The following LYPD6 variants were observed in gnomAD, a reference collection of about 807,000 sequenced individuals.
The protein encoded by LYPD6 is LY6/PLAUR domain containing 6, also known as ly6/PLAUR domain-containing protein 6.
LYPD6 carries 15 observed loss-of-function variants against 22.7 expected under a neutral mutation model. The ratio of observed to expected loss-of-function variants is 0.66; its 90% CI spans 0.44 to 1.02. LYPD6 has a LOEUF of 1.02. Ranked by LOEUF, LYPD6 falls within the 50% of genes least tolerant of loss-of-function variation. The pLI is 0.00. For missense variants in LYPD6, 189 were observed against 208.4 expected, an observed-to-expected ratio of 0.91 and a Z score of 0.57; for synonymous variants, 72 against 77.5, an observed-to-expected ratio of 0.93 and a Z score of 0.37.
intron 3 of LYPD6, among the ~76,000 whole-genome samples, chr2:149,462,379 T>G (rs1216967551): frequency 1.3e-5 from 2 of 151,884 alleles, no homozygotes; most frequent in East Asian, 3.8e-4. Flanking sequence ...TGTATAGGAC[T>G]TGTAAGCTGA....
chr2:149,402,870 T>TCCCTCCC (rs1241779548), intron 1 of LYPD6, among the ~76,000 whole-genome samples: 1 of 133,862 alleles, frequency 7.5e-6, no homozygotes, highest in Non-Finnish European at 1.6e-5. Context: ...CCTAATGCTA[T>TCCCTCCC]CCCTCCCCCC....
chr2:149,396,143 A>G (rs2105103621), intron 1 of LYPD6, among the ~76,000 whole-genome samples: 1 of 152,154 alleles, frequency 6.6e-6, no homozygotes, highest in African/African-American at 2.4e-5. Flanking sequence ...GATTTTCCCT[A>G]TGTTTCTATT....
chr2:149,402,025 G>A (rs1682567773), intron 1 of LYPD6, among the ~76,000 whole-genome samples: 1 of 152,020 alleles, frequency 6.6e-6, no homozygotes, highest in Non-Finnish European at 1.5e-5. Flanking sequence ...TAATTCATGA[G>A]AGGCTTAAAA....
intron 2 of LYPD6, among the ~76,000 whole-genome samples, chr2:149,441,148 C>T (rs1382971479): frequency 6.6e-6 from 1 of 152,130 alleles, no homozygotes; most frequent in Admixed American, 6.6e-5. Context: ...GCTGTAGTCT[C>T]TACAAATAAG....
chr2:149,420,296 G>A (rs1010418394), intron 1 of LYPD6, among the ~76,000 whole-genome samples: 1 of 152,214 alleles, frequency 6.6e-6, no homozygotes, highest in African/African-American at 2.4e-5. Context: ...CAGAGCAGGA[G>A]TCAAAGTTCA....
At chr2:149,421,053 A>G (rs750492219) in intron 1 of LYPD6, among the ~76,000 whole-genome samples, 6 of 152,138 alleles carry the variant, frequency 3.9e-5, no homozygotes, top group Non-Finnish European at 5.9e-5. Flanking sequence ...GGGGATTCCA[A>G]TGTGTAGCAA....
intron 3 of LYPD6, among the ~76,000 whole-genome samples, chr2:149,468,132 AACACACACACACACACACACACACAC>A (rs58309346): frequency 0.021 from 2,411 of 114,724 alleles, 78 homozygotes; most frequent in Admixed American, 0.097. Context: ...GCTTCCCCCC[AACACACACACACACACACACACACAC>A]ACACACACAC....
Position 149,392,555 on chromosome 2 carries a change from C to T in LYPD6, c.-71-45083C>T, listed in dbSNP as rs542656117. On this transcript the variant is annotated intron_variant, in intron 1 of 4. Transcript: ENST00000334166. ...CCCCTGAGGACCAGGGAAGCTGTGA[C>T]GGATGGGAGAGAGTGTTGTCCCCAT... 8.5e-5 allele frequency among the ~76,000 whole-genome samples: 13 copies of T among 152,264 alleles called. No homozygotes were observed. In the South Asian group the frequency reaches 2.3e-3, roughly 27 times the overall value.
intron 3 of LYPD6, among the ~76,000 whole-genome samples, chr2:149,453,333 G>A (rs1283708034): frequency 6.6e-6 from 1 of 152,100 alleles, no homozygotes; most frequent in African/African-American, 2.4e-5. Flanking sequence ...CTGTAAAAAT[G>A]GTTATTAAAA....
chr2:149,457,183 T>C (rs910507651), intron 3 of LYPD6, among the ~76,000 whole-genome samples: 6 of 152,202 alleles, frequency 3.9e-5, no homozygotes, highest in African/African-American at 9.6e-5. Flanking sequence ...TGAGAAGTCA[T>C]GATAGTATAT....
chr2:149,380,463 A>C (rs534200813), intron 1 of LYPD6, among the ~76,000 whole-genome samples: 3 of 152,192 alleles, frequency 2.0e-5, no homozygotes, highest in Admixed American at 1.3e-4. Context: ...AAAGGTTTGC[A>C]TATGGTAAGT....
At chr2:149,427,072 T>A (rs188738083) in intron 1 of LYPD6, among the ~76,000 whole-genome samples, 1 of 152,298 alleles carries the variant, frequency 6.6e-6, no homozygotes, top group East Asian at 1.9e-4. Flanking sequence ...GAAAGGTAAA[T>A]GCATCACTCC....
At chr2:149,461,177 T>TTGTA (rs1348777063) in intron 3 of LYPD6, among the ~76,000 whole-genome samples, 2 of 151,980 alleles carry the variant, frequency 1.3e-5, no homozygotes, top group African/African-American at 4.8e-5. Flanking sequence ...AAACATTTCA[T>TTGTA]TGTACACCAT....
intron 1 of LYPD6, among the ~76,000 whole-genome samples, chr2:149,348,853 T>G (rs1022269143): frequency 5.3e-5 from 8 of 152,084 alleles, no homozygotes; most frequent in African/African-American, 1.9e-4. Flanking sequence ...GCAGTCCAGG[T>G]GTTGGCTTAG....
chr2:149,411,813 A>G (rs1184348761), intron 1 of LYPD6, among the ~76,000 whole-genome samples: 1 of 152,208 alleles, frequency 6.6e-6, no homozygotes, highest in African/African-American at 2.4e-5. Flanking sequence ...TCTTTCCCCA[A>G]AGATAATCAT....
At chr2:149,352,666 C>T (rs564264576) in intron 1 of LYPD6, among the ~76,000 whole-genome samples, 47 of 152,292 alleles carry the variant, frequency 3.1e-4, no homozygotes, top group Admixed American at 1.0e-3. Flanking sequence ...GTGTACGTAT[C>T]CTGCATGGTT....
At chr2:149,350,106 T>G (rs1681331870) in intron 1 of LYPD6, among the ~76,000 whole-genome samples, 1 of 152,214 alleles carries the variant, frequency 6.6e-6, no homozygotes, top group Non-Finnish European at 1.5e-5. Flanking sequence ...CATTCCTTTT[T>G]GATACAAAGT....
intron 1 of LYPD6, among the ~76,000 whole-genome samples, chr2:149,374,593 G>A (rs545397299): frequency 2.0e-5 from 3 of 152,174 alleles, no homozygotes; most frequent in Non-Finnish European, 4.4e-5. Flanking sequence ...TGTTTGCTGA[G>A]TCTTAGGCTC....
chr2:149,368,799 T>TG, intron 1 of LYPD6, among the ~76,000 whole-genome samples: 1 of 151,898 alleles, frequency 6.6e-6, no homozygotes, highest in East Asian at 1.9e-4. Flanking sequence ...ATCCTAAAGA[T>TG]GCAGAATCAT....
Sources: allele counts gnomAD v4.1 joint callset (sites outside exome capture counted in the v4.1 genomes callset), GRCh38; gene constraint gnomAD v4.1.1; transcripts MANE v1.5; gene names NCBI Gene and HGNC (gene_info 2026-07-23, HGNC 2026-07-21).